The following ARHGAP28 variants were observed in gnomAD, a reference collection of about 807,000 sequenced individuals.
The protein encoded by ARHGAP28 is rho GTPase-activating protein 28.
A neutral mutation model predicts 90.7 loss-of-function variants in ARHGAP28; 56 were observed. That is an observed-to-expected ratio of 0.62 (90% CI 0.50 to 0.77). The LOEUF is 0.77. ARHGAP28 is among the 30% of genes least tolerant of loss of function. The probability of loss-of-function intolerance (pLI) is 0.00; values close to 1 mark genes in which losing one functional copy is unlikely to be tolerated. For synonymous variants in ARHGAP28, 308 were observed against 323.3 expected, an observed-to-expected ratio of 0.95 and a Z score of 0.51; for missense variants, 869 against 900.9, an observed-to-expected ratio of 0.96 and a Z score of 0.45.
chr18:6,828,243 C>A (rs1016510227), intron 2 of ARHGAP28, among the ~76,000 whole-genome samples: 8 of 152,268 alleles, frequency 5.3e-5, no homozygotes, highest in African/African-American at 1.7e-4. Flanking sequence ...CGCAGGCACT[C>A]GGCAGGCCCA....
At chr18:6,731,990 C>G (rs2055886487) in intron 1 of ARHGAP28, among the ~76,000 whole-genome samples, 2 of 151,996 alleles carry the variant, frequency 1.3e-5, no homozygotes, top group Non-Finnish European at 2.9e-5. Context: ...AAAGCGTGGA[C>G]TTTTGTATCT....
chr18:6,883,053 G>A (rs1029510004), intron 11 of ARHGAP28, among the ~76,000 whole-genome samples: 4 of 152,088 alleles, frequency 2.6e-5, no homozygotes, highest in Non-Finnish European at 4.4e-5. Flanking sequence ...ATCTAAATAT[G>A]TATGAGCATG....
chr18:6,780,932 C>T (rs1441683697), intron 1 of ARHGAP28, among the ~76,000 whole-genome samples: 1 of 151,944 alleles, frequency 6.6e-6, no homozygotes, highest in African/African-American at 2.4e-5. Flanking sequence ...CTTGTAATGC[C>T]CATGAATTTC....
Position 6,729,846 on chromosome 18 carries a change from G to T in ARHGAP28, c.25G>T (p.Val9Leu). Residue 9 changes from valine (V) to leucine (L), a missense_variant, in exon 1 of 18, where the codon GTG becomes TTG. By Grantham distance (32) the Val-to-Leu change is conservative. Coordinates refer to ENST00000383472, the MANE Select transcript of ARHGAP28 (RefSeq NM_001366230.1). MEVEDSGG[V>L]VLTAYHSYAR... ...GATGGAGGTGGAGGACTCGGGCGGCGTGGTGCTGACCGCCTACCACTCGTA... is the reference window on the plus strand; with the variant it reads ...GATGGAGGTGGAGGACTCGGGCGGCTTGGTGCTGACCGCCTACCACTCGTA... 1 of 1,429,658 alleles carries T rather than the reference G, an allele frequency of 7.0e-7. No individual in the cohort carries two copies. The highest frequency in any genetic ancestry group is 1.5e-5 in the African/African-American group (1 of 67,474). The allele number at this position is 1,429,658 out of a possible 1,614,324, so 88.6% of individuals were successfully genotyped here. A position where few individuals can be genotyped will look rare whatever the true frequency, so the allele number is the denominator to read the frequency against.
Position 6,802,335 on chromosome 18 carries a change from C to CTTTTTT in ARHGAP28, c.123-22404_123-22399dup, listed in dbSNP as rs35950139. Among the ~76,000 whole-genome samples the CTTTTTT allele has an allele frequency of 2.1e-3, 111 of 52,766 alleles. 16 individuals carry two copies. Among genetic ancestry groups the CTTTTTT allele is most frequent in the Non-Finnish European group, 2.6e-3 (72 of 28,050 alleles). The allele number at this position is 52,766 out of a possible 152,430, so 34.6% of individuals were successfully genotyped here. A position where few individuals can be genotyped will look rare whatever the true frequency, so the allele number is the denominator to read the frequency against. The stretch of plus-strand genomic sequence containing the variant: ...GGATCATATGGATCATATGGTAGTT[C>CTTTTTT]TTTTTTTTTTTTTTTTTTTTTTTTT... On this transcript the variant is annotated intron_variant, in intron 1 of 17. Transcript: ENST00000383472.
chr18:6,900,483 T>C (rs1029687236), intron 16 of ARHGAP28, among the ~76,000 whole-genome samples: 14 of 151,956 alleles, frequency 9.2e-5, no homozygotes, highest in African/African-American at 3.4e-4. Flanking sequence ...ATACAACAAA[T>C]GGAAATTTAC....
At chr18:6,850,736 T>G in intron 3 of ARHGAP28, 1 of 1,383,626 alleles carries the variant, frequency 7.2e-7, no homozygotes, top group Non-Finnish European at 9.6e-7. Flanking sequence ...ACATACCATC[T>G]TGGAGCAAAA....
chr18:6,757,691 C>T (rs762697881), intron 1 of ARHGAP28, among the ~76,000 whole-genome samples: 8 of 152,202 alleles, frequency 5.3e-5, no homozygotes, highest in Non-Finnish European at 8.8e-5. Flanking sequence ...TCCTCTCCAT[C>T]ATTGCAAAGT....
intron 11 of ARHGAP28, among the ~76,000 whole-genome samples, chr18:6,882,677 C>G (rs1181400727): frequency 6.6e-6 from 1 of 152,058 alleles, no homozygotes; most frequent in Non-Finnish European, 1.5e-5. Flanking sequence ...TAGAATAGAG[C>G]CTGGTGTGTG....
chr18:6,800,940 T>C (rs895270764), intron 1 of ARHGAP28, among the ~76,000 whole-genome samples: 12 of 152,240 alleles, frequency 7.9e-5, no homozygotes, highest in Non-Finnish European at 1.6e-4. Flanking sequence ...ATCAGATATA[T>C]GATTTGCCAT....
At chr18:6,899,062 A>T (rs563881295) in intron 16 of ARHGAP28, among the ~76,000 whole-genome samples, 3 of 152,162 alleles carry the variant, frequency 2.0e-5, no homozygotes, top group African/African-American at 7.2e-5. Context: ...TAATAATTAC[A>T]AAAAAATCTT....
Position 6,775,307 on chromosome 18 carries a change from G to A in ARHGAP28, c.122+45364G>A, listed in dbSNP as rs1029000442. 2.0e-5 allele frequency among the ~76,000 whole-genome samples: 3 copies of A among 152,128 alleles called. No individual in the cohort carries two copies. In the East Asian group the frequency reaches 5.8e-4, roughly 29 times the overall value. On this transcript the variant is annotated intron_variant, in intron 1 of 17. Transcript: ENST00000383472. The stretch of plus-strand genomic sequence containing the variant: ...AGAGCATTATGGATTCCTTTTCCTT[G>A]AGCAGTGTCATCTGTGTATTTACAA...
chr18:6,828,790 G>A (rs1424280465), intron 2 of ARHGAP28, among the ~76,000 whole-genome samples: 1 of 152,160 alleles, frequency 6.6e-6, no homozygotes, highest in African/African-American at 2.4e-5. Flanking sequence ...ACTACTCATA[G>A]TGGATTAAAA....
chr18:6,799,602 G>C (rs2056467245), intron 1 of ARHGAP28, among the ~76,000 whole-genome samples: 1 of 152,144 alleles, frequency 6.6e-6, no homozygotes, highest in African/African-American at 2.4e-5. Context: ...TCTGATCTTT[G>C]ACAAACCTGA....
intron 1 of ARHGAP28, among the ~76,000 whole-genome samples, chr18:6,764,231 C>G (rs1471535420): frequency 6.6e-6 from 1 of 152,074 alleles, no homozygotes; most frequent in Non-Finnish European, 1.5e-5. Context: ...TTCCTACAAT[C>G]CAGGGTGCAT....
chr18:6,859,347 C>T (rs1050102293), intron 4 of ARHGAP28, among the ~76,000 whole-genome samples: 4 of 152,152 alleles, frequency 2.6e-5, no homozygotes, highest in African/African-American at 9.7e-5. Context: ...GCCCATTGTC[C>T]TCATTTGTAC....
chr18:6,873,342 C>A, intron 7 of ARHGAP28, 67 bp from the exon 8 acceptor site: 1 of 1,363,638 alleles, frequency 7.3e-7, no homozygotes, highest in Non-Finnish European at 1.0e-6. Flanking sequence ...GTCCAGGTGG[C>A]ATTTGAGTGA....
Position 6,912,227 on chromosome 18 carries a change from C to A in ARHGAP28, c.*73C>A. 1 of 862,494 alleles carries A rather than the reference C, an allele frequency of 1.2e-6. No individual in the cohort carries two copies. The highest frequency in any genetic ancestry group is 1.8e-5 in the South Asian group (1 of 54,886). 53.4% of individuals were successfully genotyped at this position (862,494 alleles called of 1,614,324 possible). On this transcript the variant is annotated 3_prime_UTR_variant, in exon 18 of 18. Transcript: ENST00000383472. ...CTACATTTTGGTAGGGAAAAAACAA[C>A]ACTGTGTTTGACGTATTTGTTCCTA...
intron 15 of ARHGAP28, 59 bp from the exon 16 acceptor site, chr18:6,896,443 C>G (rs1215858533): frequency 1.9e-6 from 3 of 1,595,538 alleles, no homozygotes; most frequent in Non-Finnish European, 2.6e-6. Flanking sequence ...TTAAGTGCAT[C>G]ATTGAGCCGA....
Sources: gnomAD v4.1 joint callset for allele counts (sites outside exome capture counted in the v4.1 genomes callset) on GRCh38, gnomAD v4.1.1 for gene constraint, MANE v1.5 for transcripts, NCBI Gene and HGNC (gene_info 2026-07-23, HGNC 2026-07-21) for gene names.